Variants in AKT3 observed in about 807,000 individuals in gnomAD.
AKT3 encodes RAC-gamma serine/threonine-protein kinase.
AKT3 carries 15 observed loss-of-function variants against 65.3 expected under a neutral mutation model. That is an observed-to-expected ratio of 0.23 (90% CI 0.15 to 0.35). The LOEUF is 0.35. AKT3 is among the 10% of genes least tolerant of loss of function. The pLI is 1.00. For missense variants in AKT3, 243 were observed against 576.5 expected (o/e 0.42, Z 5.92); for synonymous variants, 206 against 183.8 (o/e 1.12, Z -0.98).
intron 12 of AKT3, among the ~76,000 whole-genome samples, chr1:243,538,584 T>C (rs1348037573): frequency 2.0e-5 from 3 of 152,096 alleles, no homozygotes; most frequent in Admixed American, 6.6e-5. Context: ...GGTATAATGA[T>C]GGGAAAAGAT....
At chr1:243,537,969 G>C (rs1213682912) in intron 12 of AKT3, among the ~76,000 whole-genome samples, 1 of 152,104 alleles carries the variant, frequency 6.6e-6, no homozygotes, top group Non-Finnish European at 1.5e-5. Context: ...GGAGGTGGAA[G>C]TGGAGTTAAA....
intron 8 of AKT3, among the ~76,000 whole-genome samples, chr1:243,583,540 CAAAAA>C (rs1294857854): frequency 1.7e-4 from 5 of 30,014 alleles, no homozygotes; most frequent in Non-Finnish European, 2.9e-4. Context: ...AAGTAAGTCT[CAAAAA>C]AAAAAAAAAA....
At chr1:243,575,826 T>G (rs1674901029) in intron 8 of AKT3, among the ~76,000 whole-genome samples, 1 of 152,056 alleles carries the variant, frequency 6.6e-6, no homozygotes, top group African/African-American at 2.4e-5. Flanking sequence ...TACCTGCACA[T>G]AGTAGGTGAT....
intron 2 of AKT3, among the ~76,000 whole-genome samples, chr1:243,699,624 C>A (rs1224302719): frequency 6.6e-6 from 1 of 151,274 alleles, no homozygotes; most frequent in Non-Finnish European, 1.5e-5. Flanking sequence ...AGCAAGGATT[C>A]TGGTATACTG....
intron 2 of AKT3, among the ~76,000 whole-genome samples, chr1:243,811,425 T>C (rs989579749): frequency 1.3e-5 from 2 of 152,192 alleles, no homozygotes; most frequent in Non-Finnish European, 2.9e-5. Flanking sequence ...TCACGATTGC[T>C]TCAAAGAGAA....
At chr1:243,629,844 T>C (rs976697243) in intron 6 of AKT3, among the ~76,000 whole-genome samples, 5 of 152,108 alleles carry the variant, frequency 3.3e-5, no homozygotes, top group Non-Finnish European at 5.9e-5. Flanking sequence ...CAGACAGAGA[T>C]GGGCTGGCCA....
chr1:243,601,054 G>A (rs977939799), intron 8 of AKT3, among the ~76,000 whole-genome samples: 1 of 152,040 alleles, frequency 6.6e-6, no homozygotes, highest in African/African-American at 2.4e-5. Context: ...AAATTGTACA[G>A]TCAAAATTGA....
chr1:243,660,794 T>C (rs1279725403), intron 4 of AKT3, among the ~76,000 whole-genome samples: 2 of 152,200 alleles, frequency 1.3e-5, no homozygotes, highest in East Asian at 1.9e-4. Context: ...GATGACATGA[T>C]TGTATATCTA....
At chr1:243,589,685 T>C (rs1676088662) in intron 8 of AKT3, among the ~76,000 whole-genome samples, 3 of 152,196 alleles carry the variant, frequency 2.0e-5, no homozygotes, top group Non-Finnish European at 2.9e-5. Context: ...CTTCTAGGTA[T>C]ATATATCTAT....
chr1:243,679,016 C>A (rs966251621), intron 3 of AKT3, among the ~76,000 whole-genome samples: 2 of 152,086 alleles, frequency 1.3e-5, no homozygotes, highest in Admixed American at 1.3e-4. Context: ...TTCTCTTTCT[C>A]CTCCTCCTCA....
chr1:243,581,368 T>C (rs1043795208), intron 8 of AKT3, among the ~76,000 whole-genome samples: 2 of 152,150 alleles, frequency 1.3e-5, no homozygotes, highest in Non-Finnish European at 2.9e-5. Context: ...CACTAAGCCA[T>C]GTTGGCTGCA....
chr1:243,674,577 T>G (rs1013139660), intron 3 of AKT3, among the ~76,000 whole-genome samples: 1 of 152,314 alleles, frequency 6.6e-6, no homozygotes, highest in East Asian at 1.9e-4. Context: ...GACAGAACTT[T>G]CACAGGACAA....
At chr1:243,730,582 T>C (rs1033400659) in intron 2 of AKT3, among the ~76,000 whole-genome samples, 2 of 152,200 alleles carry the variant, frequency 1.3e-5, no homozygotes, top group African/African-American at 4.8e-5. Context: ...TCCTGCCTTC[T>C]GCCTGCATTG....
intron 2 of AKT3, among the ~76,000 whole-genome samples, chr1:243,805,560 C>A (rs546645488): frequency 5.5e-4 from 83 of 152,238 alleles, no homozygotes; most frequent in Non-Finnish European, 9.4e-4. Context: ...AGTCTAGCTT[C>A]CTCCCTCCCC....
intron 8 of AKT3, among the ~76,000 whole-genome samples, chr1:243,588,816 T>C (rs1261067120): frequency 1.3e-5 from 2 of 152,112 alleles, no homozygotes; most frequent in Non-Finnish European, 2.9e-5. Flanking sequence ...AAAACCTCCT[T>C]GATATTGGTC....
intron 2 of AKT3, among the ~76,000 whole-genome samples, chr1:243,700,308 G>A (rs899067026): frequency 2.0e-5 from 3 of 152,110 alleles, no homozygotes; most frequent in Admixed American, 6.6e-5. Flanking sequence ...CTGTTTGCTA[G>A]AATTCATGGT....
chr1:243,787,312 A>C (rs1285512687), intron 2 of AKT3, among the ~76,000 whole-genome samples: 1 of 152,222 alleles, frequency 6.6e-6, no homozygotes, highest in Non-Finnish European at 1.5e-5. Flanking sequence ...TTACCCATGC[A>C]CATTTTTTTA....
intron 9 of AKT3, among the ~76,000 whole-genome samples, chr1:243,570,835 T>A (rs956192454): frequency 2.6e-5 from 4 of 152,238 alleles, no homozygotes; most frequent in Non-Finnish European, 4.4e-5. Flanking sequence ...AAGGCTATAT[T>A]TTTTAAGAAA....
At position 243,505,221 on chromosome 1, in the gene AKT3, G is replaced by T. The variant is rs753649886; in HGVS notation, c.*28C>A. 1.2e-5 allele frequency: 19 copies of T among 1,577,590 alleles called. No individual in the cohort carries two copies. The highest frequency in any genetic ancestry group is 1.7e-5 in the Admixed American group (1 of 59,940). Reference sequence around the variant, plus strand: ...TCATTTTCAGTAATAAATTGAAGATGACAGTGAAGTAGCAGAATGAAAGAG... The same window carrying T: ...TCATTTTCAGTAATAAATTGAAGATTACAGTGAAGTAGCAGAATGAAAGAG... On this transcript the variant is annotated 3_prime_UTR_variant, in exon 14 of 14. Transcript: ENST00000673466.
Sources: allele counts gnomAD v4.1 joint callset (sites outside exome capture counted in the v4.1 genomes callset), GRCh38; gene constraint gnomAD v4.1.1; transcripts MANE v1.5; gene names NCBI Gene and HGNC (gene_info 2026-07-23, HGNC 2026-07-21).